SH3BP4: variants seen among roughly 807,000 people sequenced by gnomAD.
SH3BP4 encodes the protein SH3 domain binding protein 4.
A neutral mutation model predicts 65.5 loss-of-function variants in SH3BP4; 33 were observed. The ratio of observed to expected loss-of-function variants is 0.50; its 90% confidence interval spans 0.38 to 0.67. The LOEUF (loss-of-function observed/expected upper bound fraction) is 0.67. Ranked by LOEUF, SH3BP4 falls within the 30% of genes least tolerant of loss-of-function variation. SH3BP4 has a pLI of 0.00. For missense variants in SH3BP4, 1,134 were observed against 1,261.4 expected (o/e 0.90, Z 1.53); for synonymous variants, 552 against 545.5 (o/e 1.01, Z -0.17).
chr2:235,027,019 A>G (rs1695022941), intron 2 of SH3BP4, among the ~76,000 whole-genome samples: 1 of 152,184 alleles, frequency 6.6e-6, no homozygotes, highest in Admixed American at 6.5e-5. Context: ...GAGCATTAGG[A>G]AAGGTTCTGC....
chr2:235,000,207 C>T (rs1318922151), intron 2 of SH3BP4, among the ~76,000 whole-genome samples: 1 of 152,238 alleles, frequency 6.6e-6, no homozygotes, highest in African/African-American at 2.4e-5. Flanking sequence ...TCCCTCCTTC[C>T]CTTCTTCCTT....
At chr2:235,009,272 G>A (rs1018250562) in intron 2 of SH3BP4, among the ~76,000 whole-genome samples, 26 of 152,232 alleles carry the variant, frequency 1.7e-4, no homozygotes, top group Middle Eastern at 3.4e-3. Context: ...TCTGTCTGCC[G>A]TGGGCCTCCA....
chr2:234,970,489 C>T (rs556675359), intron 1 of SH3BP4, among the ~76,000 whole-genome samples: 5 of 152,190 alleles, frequency 3.3e-5, no homozygotes, highest in African/African-American at 7.2e-5. Context: ...CTTTGGAATA[C>T]GTGTCTTGAG....
chr2:234,968,377 C>CT (rs551034590), intron 1 of SH3BP4, among the ~76,000 whole-genome samples: 5,671 of 105,742 alleles, frequency 0.054, 326 homozygotes, highest in East Asian at 0.26. Flanking sequence ...CAGAGTTGTT[C>CT]TTTTTTTTTT....
intron 2 of SH3BP4, among the ~76,000 whole-genome samples, chr2:235,014,598 C>T (rs543580238): frequency 5.1e-4 from 78 of 152,240 alleles, no homozygotes; most frequent in African/African-American, 1.6e-3. Context: ...CTGTTCCTCC[C>T]GAGGCTGTGA....
At chr2:234,989,713 A>G (rs1255564031) in intron 1 of SH3BP4, among the ~76,000 whole-genome samples, 1 of 152,078 alleles carries the variant, frequency 6.6e-6, no homozygotes, top group Admixed American at 6.5e-5. Flanking sequence ...TGCGACTTAA[A>G]TTTCTTATCA....
intron 3 of SH3BP4, among the ~76,000 whole-genome samples, chr2:235,039,559 G>A (rs1247549712): frequency 1.3e-5 from 2 of 151,950 alleles, no homozygotes; most frequent in Admixed American, 6.6e-5. Context: ...AAGCCAGAAT[G>A]TCAGCAGACT....
intron 2 of SH3BP4, among the ~76,000 whole-genome samples, chr2:234,998,232 G>C (rs1693984947): frequency 6.6e-6 from 1 of 152,234 alleles, no homozygotes; most frequent in Non-Finnish European, 1.5e-5. Flanking sequence ...GGGTGCCTGG[G>C]GGGGCACGTG....
chr2:234,969,957 TCACA>T (rs879747581), intron 1 of SH3BP4, among the ~76,000 whole-genome samples: 17 of 136,736 alleles, frequency 1.2e-4, no homozygotes, highest in South Asian at 2.2e-4. Flanking sequence ...TCCCTGTCTC[TCACA>T]CACACACACT....
chr2:234,968,753 G>A (rs573109266), intron 1 of SH3BP4, among the ~76,000 whole-genome samples: 177 of 152,206 alleles, frequency 1.2e-3, no homozygotes, highest in African/African-American at 4.2e-3. Flanking sequence ...TGTTTTAGTC[G>A]TTCTTTCGGC....
chr2:235,010,799 ACCTTCCTCCCTCTTCTAGAAC>A (rs1694461376), intron 2 of SH3BP4, among the ~76,000 whole-genome samples: 3 of 78,088 alleles, frequency 3.8e-5, no homozygotes, highest in East Asian at 4.6e-4. Flanking sequence ...CCTAGGAGAA[ACCTTCCTCCCTCTTCTAGAAC>A]CCTTCCTCCC....
At chr2:234,984,023 AGTTAC>A (rs1693470720) in intron 1 of SH3BP4, among the ~76,000 whole-genome samples, 2 of 152,190 alleles carry the variant, frequency 1.3e-5, no homozygotes, top group African/African-American at 4.8e-5. Context: ...GCTTTGAGGG[AGTTAC>A]GTTTGAGCAG....
In SH3BP4 at chr2:235,017,088, G is replaced by T. The variant is rs184690895; in HGVS notation, c.-132-17783G>T. Among the ~76,000 whole-genome samples, 425 of 102,326 alleles carry T rather than the reference G, an allele frequency of 4.2e-3. 4 individuals are homozygous for T. The highest frequency in any genetic ancestry group is 0.016 in the African/African-American group (410 of 25,590). The allele number at this position is 102,326 out of a possible 152,430, so 67.1% of individuals were successfully genotyped here. ...TTTTTTTGGTATATAGCCTTCTCAT[G>T]TACCCAAAGAAAATTGAGACTATGC... On this transcript the variant is annotated intron_variant, in intron 2 of 5. Transcript: ENST00000392011.
In SH3BP4 at chr2:234,961,487, G is replaced by C. The variant is rs138427923; in HGVS notation, c.-207+9317G>C. ...GGGTTTTACCATGTTGGCCAGGCTGGTCTCGAACTCCCGACCTCAGGTGAT... is the reference window on the plus strand; with the variant it reads ...GGGTTTTACCATGTTGGCCAGGCTGCTCTCGAACTCCCGACCTCAGGTGAT... On this transcript the variant is annotated intron_variant, in intron 1 of 5. Transcript: ENST00000392011. Among the ~76,000 whole-genome samples, 575 of 152,126 alleles carry C rather than the reference G, an allele frequency of 3.8e-3. 3 individuals carry two copies. Among genetic ancestry groups the C allele is most frequent in the African/African-American group, 0.013 (557 of 41,496 alleles).
At chr2:234,999,857 C>A (rs1038991979) in intron 2 of SH3BP4, among the ~76,000 whole-genome samples, 3 of 152,248 alleles carry the variant, frequency 2.0e-5, no homozygotes, top group African/African-American at 7.2e-5. Context: ...GGCTCTGTCA[C>A]GCGGCCTCTG....
intron 1 of SH3BP4, among the ~76,000 whole-genome samples, chr2:234,983,999 C>T (rs1032276176): frequency 5.3e-5 from 8 of 152,214 alleles, no homozygotes; most frequent in African/African-American, 1.7e-4. Flanking sequence ...AGGAAAGTCA[C>T]GCAGGGTTCT....
chr2:235,012,523 C>T (rs1324032616), intron 2 of SH3BP4, among the ~76,000 whole-genome samples: 3 of 152,194 alleles, frequency 2.0e-5, no homozygotes, highest in Non-Finnish European at 2.9e-5. Flanking sequence ...AATAACCAGC[C>T]GCACCGCAAG....
intron 1 of SH3BP4, among the ~76,000 whole-genome samples, chr2:234,990,002 C>A (rs978466493): frequency 2.6e-5 from 4 of 152,210 alleles, no homozygotes; most frequent in Admixed American, 6.5e-5. Context: ...AGGTTGCAGT[C>A]AAAACTCCAG....
chr2:234,980,163 GT>G (rs1340638109), intron 1 of SH3BP4, among the ~76,000 whole-genome samples: 2 of 152,144 alleles, frequency 1.3e-5, no homozygotes, highest in African/African-American at 4.8e-5. Context: ...CCTGTAAGTA[GT>G]CCCCCCCTTA....
Sources: allele counts gnomAD v4.1 joint callset (sites outside exome capture counted in the v4.1 genomes callset), GRCh38; gene constraint gnomAD v4.1.1; transcripts MANE v1.5; gene names NCBI Gene and HGNC (gene_info 2026-07-23, HGNC 2026-07-21).